Variants in ERBB4 observed in about 807,000 individuals in gnomAD.
ERBB4 encodes the protein receptor tyrosine-protein kinase erbB-4.
Under a neutral mutation model 158.0 loss-of-function variants are expected in ERBB4, and 42 were observed. That is an observed-to-expected ratio of 0.27 (90% confidence interval 0.21 to 0.34). The LOEUF is 0.34. Among genes scored for constraint, ERBB4 ranks in the 10% least tolerant of loss-of-function variants. The pLI is 1.00. For missense variants in ERBB4, 1,333 were observed against 1,624.1 expected, an observed-to-expected ratio of 0.82 and a Z score of 3.08; for synonymous variants, 583 against 558.7, an observed-to-expected ratio of 1.04 and a Z score of -0.61.
intron 19 of ERBB4, among the ~76,000 whole-genome samples, chr2:211,590,771 C>A (rs954796872): frequency 2.0e-5 from 3 of 152,158 alleles, no homozygotes; most frequent in Admixed American, 6.5e-5. Flanking sequence ...CTTGGGAAAT[C>A]GGCTCTTTCT....
At chr2:211,625,289 C>A (rs1414378661) in intron 17 of ERBB4, among the ~76,000 whole-genome samples, 1 of 152,118 alleles carries the variant, frequency 6.6e-6, no homozygotes, top group Admixed American at 6.5e-5. Flanking sequence ...CTCAAACTGT[C>A]TTGAACCCAC....
At chr2:211,512,591 A>G (rs1453724107) in intron 20 of ERBB4, among the ~76,000 whole-genome samples, 2 of 152,138 alleles carry the variant, frequency 1.3e-5, no homozygotes, top group Non-Finnish European at 2.9e-5. Flanking sequence ...GAACATACAC[A>G]AATTTCCCCC....
intron 3 of ERBB4, among the ~76,000 whole-genome samples, chr2:211,852,636 C>CT (rs10640429): frequency 0.27 from 37,542 of 138,698 alleles, 5,523 homozygotes; most frequent in East Asian, 0.44. Flanking sequence ...CAATGGCCAA[C>CT]TTTTTTTTTT....
chr2:211,378,525 GC>G lies in ERBB4; in HGVS notation c.*5089del, dbSNP rs1232004239. Reference sequence around the variant, plus strand: ...GATATTTGCCCACACAAACACAAGGGCCCCTGGCCCGACACAATGCCCACAA... The same window carrying G: ...GATATTTGCCCACACAAACACAAGGGCCCTGGCCCGACACAATGCCCACAA... On this transcript the variant is annotated 3_prime_UTR_variant, in exon 28 of 28. Transcript: ENST00000342788. The G allele has an allele frequency of 2.6e-5, 6 of 232,682 alleles. No homozygotes were observed. Among genetic ancestry groups the G allele is most frequent in the South Asian group, 1.8e-4 (1 of 5,526 alleles). 14.4% of individuals were successfully genotyped at this position (232,682 alleles called of 1,614,324 possible).
chr2:211,601,358 AGT>A (rs1323864922), intron 19 of ERBB4, among the ~76,000 whole-genome samples: 1 of 152,066 alleles, frequency 6.6e-6, no homozygotes, highest in African/African-American at 2.4e-5. Context: ...GAACAAAAAA[AGT>A]GTGAAAAATA....
chr2:211,423,500 T>C (rs1251357041), intron 23 of ERBB4, among the ~76,000 whole-genome samples: 1 of 151,978 alleles, frequency 6.6e-6, no homozygotes, highest in Non-Finnish European at 1.5e-5. Context: ...CTCAATTCTA[T>C]TTAAATTAAG....
At chr2:211,746,307 T>C (rs1458253508) in intron 5 of ERBB4, among the ~76,000 whole-genome samples, 1 of 152,190 alleles carries the variant, frequency 6.6e-6, no homozygotes, top group Non-Finnish European at 1.5e-5. Flanking sequence ...AAATAAAATT[T>C]GTACTTGCTT....
chr2:212,435,037 TA>T (rs1207215453), intron 1 of ERBB4, among the ~76,000 whole-genome samples: 1 of 152,060 alleles, frequency 6.6e-6, no homozygotes, highest in Non-Finnish European at 1.5e-5. Context: ...AATAATTTTT[TA>T]GGCATTCATT....
intron 1 of ERBB4, among the ~76,000 whole-genome samples, chr2:212,464,332 T>C (rs1214952267): frequency 6.6e-6 from 1 of 152,160 alleles, no homozygotes; most frequent in African/African-American, 2.4e-5. Flanking sequence ...AGAAGCTCTC[T>C]TTTTTATGGG....
intron 2 of ERBB4, among the ~76,000 whole-genome samples, chr2:212,054,131 G>A (rs148998702): frequency 3.3e-5 from 5 of 152,190 alleles, no homozygotes; most frequent in Admixed American, 6.5e-5. Context: ...ATCCAGTGAG[G>A]GAGGTTTCCA....
At chr2:212,202,505 T>C (rs2082616891) in intron 1 of ERBB4, among the ~76,000 whole-genome samples, 1 of 151,906 alleles carries the variant, frequency 6.6e-6, no homozygotes, top group Non-Finnish European at 1.5e-5. Flanking sequence ...TGAGCCACCA[T>C]GTCTGGGTAT....
chr2:211,667,392 C>A (rs2071671240), intron 14 of ERBB4, among the ~76,000 whole-genome samples: 1 of 150,854 alleles, frequency 6.6e-6, no homozygotes, highest in Non-Finnish European at 1.5e-5. Flanking sequence ...ACTGGTGGGG[C>A]TCAATCAAGC....
At chr2:211,756,274 T>A (rs1264722673) in intron 4 of ERBB4, among the ~76,000 whole-genome samples, 3 of 152,172 alleles carry the variant, frequency 2.0e-5, no homozygotes, top group Admixed American at 1.3e-4. Context: ...CAGAAGGCTC[T>A]GCAGTTTAGT....
chr2:211,765,857 A>G (rs1399937019), intron 4 of ERBB4, among the ~76,000 whole-genome samples: 1 of 152,224 alleles, frequency 6.6e-6, no homozygotes, highest in Non-Finnish European at 1.5e-5. Flanking sequence ...CATATGTTTT[A>G]AACGACTAGT....
intron 3 of ERBB4, among the ~76,000 whole-genome samples, chr2:211,917,968 G>GAGAC (rs1314259902): frequency 6.6e-5 from 10 of 152,168 alleles, no homozygotes; most frequent in Admixed American, 1.3e-4. Context: ...AAAGGAAAAT[G>GAGAC]AGACTCCAAG....
intron 1 of ERBB4, among the ~76,000 whole-genome samples, chr2:212,317,170 A>AT (rs946813574): frequency 3.3e-5 from 5 of 151,074 alleles, no homozygotes; most frequent in African/African-American, 9.7e-5. Flanking sequence ...GTAAGTTCAG[A>AT]TTTTTTTTTC....
chr2:211,782,610 T>A (rs1031735858), intron 4 of ERBB4, among the ~76,000 whole-genome samples: 1 of 152,166 alleles, frequency 6.6e-6, no homozygotes, highest in Non-Finnish European at 1.5e-5. Context: ...AGAACATTAA[T>A]ATGGAAAAAT....
intron 1 of ERBB4, among the ~76,000 whole-genome samples, chr2:212,326,704 T>C (rs1256481330): frequency 6.6e-6 from 1 of 150,818 alleles, no homozygotes; most frequent in Non-Finnish European, 1.5e-5. Context: ...GTCCCAAAGT[T>C]GCAGACATGT....
At chr2:212,349,995 T>C (rs1410863439) in intron 1 of ERBB4, among the ~76,000 whole-genome samples, 3 of 152,078 alleles carry the variant, frequency 2.0e-5, no homozygotes, top group Admixed American at 2.0e-4. Context: ...CAAAGGTAAA[T>C]ATAGTTCCTT....
Sources: allele counts gnomAD v4.1 joint callset (sites outside exome capture counted in the v4.1 genomes callset), GRCh38; gene constraint gnomAD v4.1.1; transcripts MANE v1.5; gene names NCBI Gene and HGNC (gene_info 2026-07-23, HGNC 2026-07-21).